The following EXD3 variants were observed in gnomAD, a reference collection of about 807,000 sequenced individuals.
EXD3 encodes exonuclease mut-7 homolog.
Under a neutral mutation model 98.0 loss-of-function variants are expected in EXD3, and 92 were observed. The ratio of observed to expected loss-of-function variants is 0.94; its 90% CI spans 0.79 to 1.12. The LOEUF (loss-of-function observed/expected upper bound fraction) is 1.12, where lower values mean the gene tolerates loss of function less well. EXD3 is among the 50% of genes most tolerant of loss of function. The probability of loss-of-function intolerance (pLI) is 0.00; values close to 1 mark genes in which losing one functional copy is unlikely to be tolerated. For missense variants in EXD3, 1,222 were observed against 1,191.6 expected, an observed-to-expected ratio of 1.03 and a Z score of -0.38; for synonymous variants, 569 against 526.0, an observed-to-expected ratio of 1.08 and a Z score of -1.12.
At chr9:137,327,016 T>C (rs1410491984) in intron 17 of EXD3, among the ~76,000 whole-genome samples, 2 of 151,812 alleles carry the variant, frequency 1.3e-5, no homozygotes, top group East Asian at 1.9e-4. Flanking sequence ...AATGGGCAGA[T>C]ACTATATGAT....
intron 9 of EXD3, 77 bp downstream of exon 9, chr9:137,354,623 G>A (rs754377519): frequency 1.4e-5 from 23 of 1,591,332 alleles, no homozygotes; most frequent in African/African-American, 6.7e-5. Context: ...CCTGCAGTGC[G>A]CAGTGAGTAT....
intron 1 of EXD3, among the ~76,000 whole-genome samples, chr9:137,417,013 C>T (rs1024887204): frequency 9.2e-5 from 14 of 152,252 alleles, no homozygotes; most frequent in Non-Finnish European, 2.1e-4. Context: ...GGGACCCCAC[C>T]TTAGGATCTC....
chr9:137,395,513 G>C lies in EXD3; in HGVS notation c.-47-109C>G. 3 of 1,005,792 alleles carry C rather than the reference G, an allele frequency of 3.0e-6. No individual in the cohort carries two copies. Among genetic ancestry groups the C allele is most frequent in the Non-Finnish European group, 2.9e-6 (2 of 684,910 alleles). The allele number at this position is 1,005,792 out of a possible 1,614,324, so 62.3% of individuals were successfully genotyped here. On this transcript the variant is annotated intron_variant, in intron 1 of 21. Coordinates refer to ENST00000340951, the MANE Select transcript of EXD3 (RefSeq NM_017820.5). This position sits in a 1 kb window ranked among gnomAD's most constrained non-coding sequence, Gnocchi z 6.5. Reference sequence around the variant, plus strand: ...GGTGGAGGGAGCTGGTGCCTGGGGGGGCCCAAGTGGGACCCCCAGTCGCTG... The same window carrying C: ...GGTGGAGGGAGCTGGTGCCTGGGGGCGCCCAAGTGGGACCCCCAGTCGCTG...
intron 1 of EXD3, among the ~76,000 whole-genome samples, chr9:137,419,301 C>T (rs766162273): frequency 6.6e-6 from 1 of 152,232 alleles, no homozygotes; most frequent in Admixed American, 6.5e-5. Context: ...CCCTGCCAAT[C>T]GCGTCTTCAC....
At chr9:137,417,674 C>T (rs1278953336) in intron 1 of EXD3, among the ~76,000 whole-genome samples, 2 of 152,186 alleles carry the variant, frequency 1.3e-5, no homozygotes, top group Non-Finnish European at 2.9e-5. Context: ...CACCACGCGG[C>T]GGAGCAGCTT....
Position 137,307,615 on chromosome 9 carries a change from C to T in EXD3, c.2310G>A (p.Gln770=). The T allele has an allele frequency of 6.2e-7, 1 of 1,610,220 alleles. No individual in the cohort carries two copies. Among genetic ancestry groups the T allele is most frequent in the Admixed American group, 1.7e-5 (1 of 60,002 alleles). Residue 770 remains glutamine (Q), a synonymous_variant, in exon 21 of 22, where the codon CAG becomes CAA. Coordinates refer to ENST00000340951, the MANE Select transcript of EXD3 (RefSeq NM_017820.5). ...GGCGGTCCCGGGGCTCACCTGGCTCCTGCACCGCCTGGCTCTGGGTGGCCT... is the reference window on the plus strand; with the variant it reads ...GGCGGTCCCGGGGCTCACCTGGCTCTTGCACCGCCTGGCTCTGGGTGGCCT... The part of the protein sequence containing the change: ...GDEATQSQAV[Q]EPGPAPDAAP...
chr9:137,359,136 T>C lies in EXD3; in HGVS notation c.657-2768A>G, dbSNP rs1056252983. The stretch of plus-strand genomic sequence containing the variant: ...TAATTTTTTGTATTTTTAGTAGAGA[T>C]GGGGTTTCACTGTGTTAGCCAGGAT... On this transcript the variant is annotated intron_variant, in intron 7 of 21. Coordinates refer to ENST00000340951, the MANE Select transcript of EXD3 (RefSeq NM_017820.5). 3.7e-5 allele frequency among the ~76,000 whole-genome samples: 3 copies of C among 81,396 alleles called. 1 individual carries two copies. Among genetic ancestry groups the C allele is most frequent in the African/African-American group, 1.0e-4 (3 of 29,464 alleles). The allele number at this position is 81,396 out of a possible 152,430, so 53.4% of individuals were successfully genotyped here.
chr9:137,420,241 G>C (rs1211949525), intron 1 of EXD3, among the ~76,000 whole-genome samples: 1 of 151,500 alleles, frequency 6.6e-6, no homozygotes, highest in East Asian at 1.9e-4. Flanking sequence ...ATTTTTTGTT[G>C]TTATCGAAAC....
chr9:137,364,768 A>AT (rs1342954219), intron 7 of EXD3, among the ~76,000 whole-genome samples: 2 of 91,640 alleles, frequency 2.2e-5, no homozygotes, highest in Non-Finnish European at 4.7e-5. Context: ...GTTTTGTTCT[A>AT]TGTTTTTTTT....
chr9:137,364,854 C>T (rs1363006638), intron 7 of EXD3, among the ~76,000 whole-genome samples: 10 of 149,430 alleles, frequency 6.7e-5, no homozygotes, highest in Non-Finnish European at 1.2e-4. Context: ...CTGCAAGCTC[C>T]GCCTCCTGGG....
intron 17 of EXD3, among the ~76,000 whole-genome samples, chr9:137,338,372 T>G (rs182713565): frequency 1.3e-5 from 2 of 152,272 alleles, no homozygotes; most frequent in East Asian, 3.9e-4. Context: ...AAAACTGATA[T>G]AGCGCAGTGA....
intron 7 of EXD3, 107 bp downstream of exon 7, chr9:137,366,386 C>A: frequency 6.8e-7 from 1 of 1,464,926 alleles, no homozygotes; most frequent in Non-Finnish European, 9.3e-7. Context: ...CCAGAACTTC[C>A]TGGGGAGAGC....
chr9:137,386,479 C>T (rs1427917008), intron 2 of EXD3, among the ~76,000 whole-genome samples: 1 of 151,862 alleles, frequency 6.6e-6, no homozygotes, highest in South Asian at 2.2e-4. Flanking sequence ...CTGCCCCCTC[C>T]CACCGACCTG....
intron 6 of EXD3, 41 bp from the exon 7 acceptor site, chr9:137,366,673 T>G: frequency 1.3e-6 from 2 of 1,533,942 alleles, no homozygotes; most frequent in Non-Finnish European, 1.8e-6. Flanking sequence ...CTCCGCCACC[T>G]CAGCCAAAAC....
rs1421415919 is a variant in EXD3 at position 137,359,095 on chromosome 9, C to T, written c.657-2727G>A. 1.3e-4 allele frequency among the ~76,000 whole-genome samples: 5 copies of T among 39,234 alleles called. 2 individuals carry two copies. Among genetic ancestry groups the T allele is most frequent in the South Asian group, 4.5e-3 (2 of 440 alleles). The allele number at this position is 39,234 out of a possible 152,430, so 25.7% of individuals were successfully genotyped here. A position where few individuals can be genotyped will look rare whatever the true frequency, so the allele number is the denominator to read the frequency against. ...CAGAGTAGCTGGGACTACAGGCGCC[C>T]GCCACCACGCCTGGGTAATTTTTTG... On this transcript the variant is annotated intron_variant, in intron 7 of 21. Coordinates refer to ENST00000340951, the MANE Select transcript of EXD3 (RefSeq NM_017820.5).
chr9:137,352,620 C>T lies in EXD3; in HGVS notation c.1037G>A (p.Arg346Lys). The change falls in exon 11 of 22, where the codon AGG becomes AAG. Residue 346 changes from arginine to lysine, a missense_variant and splice_region_variant. Transcript: ENST00000340951. ...VELRRFRLQGRATEADSRLEV... is the reference protein window; with the variant it reads ...VELRRFRLQGKATEADSRLEV... ...CTGGGGTCACCCTGGCGGCGCTCAC[C>T]TCCCCTGGAGCCTGAACCGGCGGAG... 6.5e-7 allele frequency: 1 copy of T among 1,540,598 alleles called. No individual in the cohort carries two copies. Among genetic ancestry groups the T allele is most frequent in the Non-Finnish European group, 8.7e-7 (1 of 1,143,084 alleles).
rs370658517 is a variant in EXD3, at chr9:137,323,759, C to T, written c.2150G>A (p.Arg717His). ...AKAVLKHFNV[R>H]VTHADIFSRC... Reference sequence around the variant, plus strand: ...GCTGAAGATGTCTGCGTGGGTGACACGCACGTTGAAATGCTTGAGCACAGC... The same window carrying T: ...GCTGAAGATGTCTGCGTGGGTGACATGCACGTTGAAATGCTTGAGCACAGC... Residue 717 changes from arginine to histidine, a missense_variant, in exon 19 of 22, where the codon CGT (arginine) becomes CAT (histidine). Arg to His is a conservative substitution (Grantham distance 29, BLOSUM62 0). Transcript: ENST00000340951. The T allele has an allele frequency of 2.2e-5, 35 of 1,612,262 alleles. No homozygotes were observed. In the East Asian group the frequency reaches 3.8e-4, roughly 17 times the overall value.
At chr9:137,391,661 ACCGCCGG>A in intron 2 of EXD3, 1 of 146,782 alleles carries the variant, frequency 6.8e-6, no homozygotes, top group East Asian at 2.1e-4. Flanking sequence ...CGCCTCGCCG[ACCGCCGG>A]CCCTGGTGCC....
chr9:137,383,432 C>T lies in EXD3; in HGVS notation c.56-55G>A, dbSNP rs1588396275. The T allele has an allele frequency of 1.3e-5, 17 of 1,357,522 alleles. No individual in the cohort carries two copies. The East Asian group carries it at 4.3e-4, about 34-fold the overall frequency. 84.1% of individuals were successfully genotyped at this position (1,357,522 alleles called of 1,614,324 possible). ...GGAGAGGCAGGTGCAGGGGCTATCGCACAGCCCGCCGGGAAGTCCCTCCCA... is the reference window on the plus strand; with the variant it reads ...GGAGAGGCAGGTGCAGGGGCTATCGTACAGCCCGCCGGGAAGTCCCTCCCA... On this transcript the variant is annotated intron_variant, in intron 2 of 21. Transcript: ENST00000340951.
Sources: allele counts gnomAD v4.1 joint callset (sites outside exome capture counted in the v4.1 genomes callset), GRCh38; gene constraint gnomAD v4.1.1; non-coding constraint Gnocchi (gnomAD v3.1); transcripts MANE v1.5; gene names NCBI Gene and HGNC (gene_info 2026-07-23, HGNC 2026-07-21).